IQANK1: variants seen among roughly 807,000 people sequenced by gnomAD.
IQANK1 encodes the protein IQ motif and ankyrin repeat containing 1.
A neutral mutation model predicts 22.6 loss-of-function variants in IQANK1; 30 were observed. That is an observed-to-expected ratio of 1.33 (90% CI 0.99 to 1.80). IQANK1 has a LOEUF of 1.80. Among genes scored for constraint, IQANK1 ranks in the 40% most tolerant of loss-of-function variants. The probability of loss-of-function intolerance (pLI) is 0.00; values close to 1 mark genes in which losing one functional copy is unlikely to be tolerated. For synonymous variants in IQANK1, 122 were observed against 99.6 expected (o/e 1.23, Z -1.34); for missense variants, 275 against 235.2 (o/e 1.17, Z -1.11).
At chr8:143,764,234 A>G (rs1377293359) in intron 3 of IQANK1, among the ~76,000 whole-genome samples, 1 of 152,142 alleles carries the variant, frequency 6.6e-6, no homozygotes, top group East Asian at 1.9e-4. Flanking sequence ...CCTGACTCAT[A>G]CAACCTGTAA....
intron 3 of IQANK1, among the ~76,000 whole-genome samples, chr8:143,746,834 A>G (rs944506866): frequency 6.6e-5 from 10 of 152,188 alleles, no homozygotes; most frequent in Admixed American, 5.9e-4. Context: ...TTGGCATATA[A>G]TTGTTCAGAG....
At chr8:143,773,712 G>A (rs1219327878) in intron 7 of IQANK1, among the ~76,000 whole-genome samples, 9 of 152,156 alleles carry the variant, frequency 5.9e-5, no homozygotes, top group African/African-American at 2.2e-4. Flanking sequence ...TGCTGCCTGG[G>A]AGCCTGTCCT....
intron 7 of IQANK1, among the ~76,000 whole-genome samples, chr8:143,775,787 T>TACACACACACAC (rs35665050): frequency 0.072 from 9,279 of 129,244 alleles, 451 homozygotes; most frequent in African/African-American, 0.13. Context: ...ATAGCTGTAT[T>TACACACACACAC]ACACACACAC....
At chr8:143,784,921 C>T (rs1347666488) in intron 7 of IQANK1, among the ~76,000 whole-genome samples, 1 of 152,318 alleles carries the variant, frequency 6.6e-6, no homozygotes, top group African/African-American at 2.4e-5. Context: ...CTGTATTTTC[C>T]ATCCTTTTGT....
intron 7 of IQANK1, among the ~76,000 whole-genome samples, chr8:143,776,060 G>A (rs1455626210): frequency 3.3e-5 from 5 of 151,840 alleles, no homozygotes; most frequent in Admixed American, 6.5e-5. Flanking sequence ...GGCGGCTCAC[G>A]CCTGTAATCC....
intron 7 of IQANK1, among the ~76,000 whole-genome samples, chr8:143,783,884 A>G (rs528808586): frequency 7.9e-5 from 12 of 152,300 alleles, no homozygotes; most frequent in South Asian, 4.1e-4. Context: ...TCAAGTGTCT[A>G]TATACTTATA....
At chr8:143,739,484 G>A (rs559447123) in intron 2 of IQANK1, 2 of 205,412 alleles carry the variant, frequency 9.7e-6, no homozygotes, top group South Asian at 1.4e-4. Flanking sequence ...AAAGGGCCTG[G>A]GGGAGGGACG....
At chr8:143,785,126 A>G (rs1255776987) in intron 7 of IQANK1, among the ~76,000 whole-genome samples, 4 of 152,102 alleles carry the variant, frequency 2.6e-5, no homozygotes, top group African/African-American at 9.7e-5. Flanking sequence ...CACAGTAAAT[A>G]TAGTTATTTG....
intron 2 of IQANK1, 72 bp from the exon 3 acceptor site, chr8:143,739,787 A>T: frequency 1.6e-6 from 1 of 634,154 alleles, no homozygotes; most frequent in Non-Finnish European, 2.9e-6. Context: ...TCGGTGCCCC[A>T]TAAGTGTCTC....
At chr8:143,787,535 C>G (rs548829775) in intron 7 of IQANK1, among the ~76,000 whole-genome samples, 1 of 152,222 alleles carries the variant, frequency 6.6e-6, no homozygotes, top group Non-Finnish European at 1.5e-5. Flanking sequence ...CTCTCCCTCT[C>G]GTCTGCTGTG....
At chr8:143,786,171 C>T (rs1202840593) in intron 7 of IQANK1, among the ~76,000 whole-genome samples, 1 of 152,272 alleles carries the variant, frequency 6.6e-6, no homozygotes, top group South Asian at 2.1e-4. Context: ...CCATGTCATA[C>T]GTTTTACTGG....
chr8:143,741,209 C>T (rs1237852602), intron 3 of IQANK1, among the ~76,000 whole-genome samples: 2 of 152,204 alleles, frequency 1.3e-5, no homozygotes, highest in East Asian at 1.9e-4. Context: ...GGACTCCTAG[C>T]CTTCCTCCAG....
At chr8:143,767,157 G>A (rs138427997) in intron 3 of IQANK1, among the ~76,000 whole-genome samples, 3 of 152,348 alleles carry the variant, frequency 2.0e-5, no homozygotes, top group East Asian at 1.9e-4. Flanking sequence ...CCAGAATCAC[G>A]TGGTCAATTT....
chr8:143,773,322 A>C (rs547378667), intron 7 of IQANK1, among the ~76,000 whole-genome samples: 34,247 of 141,838 alleles, frequency 0.24, 4,312 homozygotes, highest in East Asian at 0.5. Context: ...AAAAACAAAA[A>C]AAACACAAAA....
At chr8:143,775,681 G>A (rs1819667113) in intron 7 of IQANK1, among the ~76,000 whole-genome samples, 1 of 151,996 alleles carries the variant, frequency 6.6e-6, no homozygotes, top group Non-Finnish European at 1.5e-5. Flanking sequence ...AGAAGTGCTT[G>A]AACTCAGGAG....
chr8:143,749,458 TATATA>T (rs1309509914), intron 3 of IQANK1, among the ~76,000 whole-genome samples: 2 of 136,122 alleles, frequency 1.5e-5, no homozygotes, highest in African/African-American at 5.6e-5. Context: ...TTATATATCA[TATATA>T]ATATATAAAT....
chr8:143,749,967 T>A (rs1554627860), intron 3 of IQANK1, among the ~76,000 whole-genome samples: 1 of 151,886 alleles, frequency 6.6e-6, no homozygotes, highest in Admixed American at 6.6e-5. Flanking sequence ...TCCTTCTTTG[T>A]CTCTTGTGAA....
intron 7 of IQANK1, 49 bp from the exon 8 acceptor site, chr8:143,788,866 G>A (rs1819947862): frequency 2.5e-6 from 1 of 399,012 alleles, no homozygotes; most frequent in East Asian, 3.6e-5. Flanking sequence ...CCAGGCTGAG[G>A]AGACTCGGAA....
At chr8:143,783,618 G>T (rs1428859310) in intron 7 of IQANK1, among the ~76,000 whole-genome samples, 2 of 152,058 alleles carry the variant, frequency 1.3e-5, no homozygotes, top group Non-Finnish European at 2.9e-5. Context: ...TATGGTTGGT[G>T]CCTTTTATGT....
Sources: allele counts gnomAD v4.1 joint callset (sites outside exome capture counted in the v4.1 genomes callset), GRCh38; gene constraint gnomAD v4.1.1; transcripts MANE v1.5; gene names NCBI Gene and HGNC (gene_info 2026-07-23, HGNC 2026-07-21).